The following CACNA2D1 variants were observed in gnomAD, a reference collection of about 807,000 sequenced individuals.
CACNA2D1 encodes calcium voltage-gated channel auxiliary subunit alpha2delta 1.
CACNA2D1 carries 53 observed loss-of-function variants against 171.5 expected under a neutral mutation model. The observed-to-expected ratio is 0.31, with a 90% CI of 0.25 to 0.39. The LOEUF is 0.39. Ranked by LOEUF, CACNA2D1 falls within the 10% of genes least tolerant of loss-of-function variation. CACNA2D1 has a pLI of 1.00. For synonymous variants in CACNA2D1, 442 were observed against 443.1 expected (o/e 1.00, Z 0.03); for missense variants, 903 against 1,299.8 (o/e 0.69, Z 4.69).
intron 3 of CACNA2D1, among the ~76,000 whole-genome samples, chr7:82,180,511 A>G (rs1294808413): frequency 6.6e-6 from 1 of 152,102 alleles, no homozygotes; most frequent in African/African-American, 2.4e-5. Context: ...ATTAGGGCAA[A>G]ATCTCAGACC....
chr7:82,072,818 C>A (rs949570455), intron 7 of CACNA2D1, among the ~76,000 whole-genome samples: 8 of 151,802 alleles, frequency 5.3e-5, no homozygotes, highest in Non-Finnish European at 8.8e-5. Context: ...ACTAATAATG[C>A]CACTTACTAG....
chr7:82,235,634 C>T (rs1317772008), intron 3 of CACNA2D1, among the ~76,000 whole-genome samples: 1 of 152,092 alleles, frequency 6.6e-6, no homozygotes, highest in Non-Finnish European at 1.5e-5. Flanking sequence ...AGTTCTTAGA[C>T]TCTTCTAATT....
chr7:82,408,188 T>A (rs1452209199), intron 1 of CACNA2D1, among the ~76,000 whole-genome samples: 1 of 151,374 alleles, frequency 6.6e-6, no homozygotes, highest in African/African-American at 2.4e-5. Context: ...GCCCAGCTAA[T>A]TTTTTTTTAT....
At chr7:82,112,147 C>A (rs887562536) in intron 6 of CACNA2D1, among the ~76,000 whole-genome samples, 1 of 152,076 alleles carries the variant, frequency 6.6e-6, no homozygotes, top group African/African-American at 2.4e-5. Context: ...CCAATTACAT[C>A]CTAAGTAATC....
chr7:82,395,853 A>T (rs1825699219), intron 1 of CACNA2D1, among the ~76,000 whole-genome samples: 1 of 152,180 alleles, frequency 6.6e-6, no homozygotes. Context: ...TCATTTAACT[A>T]CTTTGAGTCC....
chr7:82,298,461 C>G (rs1647492571), intron 3 of CACNA2D1, among the ~76,000 whole-genome samples: 1 of 152,106 alleles, frequency 6.6e-6, no homozygotes, highest in South Asian at 2.1e-4. Context: ...TATTTACTCT[C>G]TTTACTTAAA....
intron 3 of CACNA2D1, among the ~76,000 whole-genome samples, chr7:82,198,667 C>CT (rs11333417): frequency 0.013 from 1,841 of 139,446 alleles, 12 homozygotes; most frequent in African/African-American, 0.031. Context: ...ATATCTGGAA[C>CT]TTTTTTTTTT....
intron 38 of CACNA2D1, among the ~76,000 whole-genome samples, chr7:81,955,992 T>A (rs1310033235): frequency 3.2e-5 from 4 of 125,114 alleles, no homozygotes; most frequent in Non-Finnish European, 7.2e-5. Flanking sequence ...TTTTTTTTTT[T>A]TTTTTTTTTT....
At chr7:82,277,815 G>T (rs566854684) in intron 3 of CACNA2D1, among the ~76,000 whole-genome samples, 1 of 140,770 alleles carries the variant, frequency 7.1e-6, no homozygotes, top group African/African-American at 2.7e-5. Flanking sequence ...GTGTGATCTC[G>T]GCTCACAGCA....
chr7:82,011,060 A>C (rs1584396303), intron 15 of CACNA2D1, among the ~76,000 whole-genome samples: 2 of 152,304 alleles, frequency 1.3e-5, no homozygotes, highest in Middle Eastern at 6.8e-3. Flanking sequence ...TACATTTAAA[A>C]GATTTTCAAC....
At chr7:82,423,128 A>G (rs963674376) in intron 1 of CACNA2D1, among the ~76,000 whole-genome samples, 1 of 152,114 alleles carries the variant, frequency 6.6e-6, no homozygotes, top group Non-Finnish European at 1.5e-5. Context: ...GTACTTTCGC[A>G]GACACTCTGA....
intron 3 of CACNA2D1, among the ~76,000 whole-genome samples, chr7:82,258,817 CTTTTTTTTTTT>C (rs201927487): frequency 2.8e-5 from 2 of 72,618 alleles, no homozygotes; most frequent in Admixed American, 1.7e-4. Flanking sequence ...TCTTACTTTT[CTTTTTTTTTTT>C]TTTTTTTTTT....
chr7:82,043,564 T>A (rs1804200885), intron 10 of CACNA2D1, among the ~76,000 whole-genome samples: 1 of 152,194 alleles, frequency 6.6e-6, no homozygotes, highest in African/African-American at 2.4e-5. Context: ...AGAAACTTCT[T>A]ATTAAATATC....
rs530043364 is a variant in CACNA2D1 at position 81,962,746 on chromosome 7, A to G, written c.2781-251T>C. 2.0e-5 allele frequency among the ~76,000 whole-genome samples: 3 copies of G among 152,118 alleles called. No individual in the cohort carries two copies. The East Asian group carries it at 5.9e-4, about 30-fold the overall frequency. On this transcript the variant is annotated intron_variant, in intron 34 of 38. Coordinates refer to ENST00000356860, the MANE Select transcript of CACNA2D1 (RefSeq NM_000722.4). The stretch of plus-strand genomic sequence containing the variant: ...GACACAATGTGTGAAGAAACCTAAC[A>G]GGCAATGTTATCAAGCAGAAGAGTT...
At chr7:82,165,227 G>A (rs1231515034) in intron 4 of CACNA2D1, among the ~76,000 whole-genome samples, 3 of 151,910 alleles carry the variant, frequency 2.0e-5, no homozygotes, top group Non-Finnish European at 4.4e-5. Context: ...CCTTTCCTGA[G>A]AGGAGAGGGA....
chr7:82,288,366 AC>A (rs1811094295), intron 3 of CACNA2D1, among the ~76,000 whole-genome samples: 2 of 151,840 alleles, frequency 1.3e-5, no homozygotes, highest in South Asian at 4.2e-4. Context: ...AGTTAAGGTA[AC>A]TGAAGGGACT....
At chr7:82,366,052 T>C (rs1356147042) in intron 1 of CACNA2D1, among the ~76,000 whole-genome samples, 1 of 152,132 alleles carries the variant, frequency 6.6e-6, no homozygotes, top group Admixed American at 6.5e-5. Flanking sequence ...AAATGGCAAA[T>C]AATACCAAAG....
chr7:82,226,788 G>T (rs960831963), intron 3 of CACNA2D1, among the ~76,000 whole-genome samples: 1 of 151,976 alleles, frequency 6.6e-6, no homozygotes, highest in African/African-American at 2.4e-5. Flanking sequence ...TCAATTAAAG[G>T]CTATATTTTA....
At chr7:82,428,669 T>C (rs77551592) in intron 1 of CACNA2D1, among the ~76,000 whole-genome samples, 2,039 of 152,294 alleles carry the variant, frequency 0.013, 26 homozygotes, top group Middle Eastern at 0.02. Context: ...GGAATATACA[T>C]AGACAAGTAC....
Sources: allele counts gnomAD v4.1 joint callset (sites outside exome capture counted in the v4.1 genomes callset), GRCh38; gene constraint gnomAD v4.1.1; transcripts MANE v1.5; gene names NCBI Gene and HGNC (gene_info 2026-07-23, HGNC 2026-07-21).